Variants in WNT6 observed in about 807,000 individuals in gnomAD.
The protein encoded by WNT6 is Wnt family member 6, also known as protein Wnt-6.
WNT6 carries 27 observed loss-of-function variants against 33.1 expected under a neutral mutation model. The ratio of observed to expected loss-of-function variants is 0.82; its 90% CI spans 0.60 to 1.12. The LOEUF is 1.12. Among genes scored for constraint, WNT6 ranks in the 50% most tolerant of loss-of-function variants. The pLI is 0.00. For synonymous variants in WNT6, 249 were observed against 242.8 expected, an observed-to-expected ratio of 1.03 and a Z score of -0.24; for missense variants, 494 against 535.3, an observed-to-expected ratio of 0.92 and a Z score of 0.76.
intron 1 of WNT6, among the ~76,000 whole-genome samples, chr2:218,868,725 G>A (rs548148550): frequency 6.6e-6 from 1 of 152,258 alleles, no homozygotes; most frequent in African/African-American, 2.4e-5. Context: ...ATATTAGATG[G>A]TGTTCATTGT....
Position 218,859,916 on chromosome 2 carries a change from C to G in WNT6, c.-122C>G. 2 of 798,818 alleles carry G rather than the reference C, an allele frequency of 2.5e-6. No homozygotes were observed. Among genetic ancestry groups the G allele is most frequent in the Non-Finnish European group, 3.2e-6 (2 of 627,838 alleles). The allele number at this position is 798,818 out of a possible 1,614,324, so 49.5% of individuals were successfully genotyped here. A position where few individuals can be genotyped will look rare whatever the true frequency, so the allele number is the denominator to read the frequency against. ...GGGCCCCCCCGCCGCCGCCGGATCC[C>G]TCGCCTCCCGGCCGCCGCCGTTGCG... is the stretch of plus-strand genomic sequence containing the variant. On this transcript the variant is annotated 5_prime_UTR_variant, in exon 1 of 4. Coordinates refer to ENST00000233948, the MANE Select transcript of WNT6 (RefSeq NM_006522.4).
intron 1 of WNT6, among the ~76,000 whole-genome samples, chr2:218,862,502 T>C (rs1398408745): frequency 6.6e-6 from 1 of 151,922 alleles, no homozygotes; most frequent in Non-Finnish European, 1.5e-5. Context: ...CCCACCACCA[T>C]GCCTGGCTAG....
At position 218,873,638 on chromosome 2, in the gene WNT6, C is replaced by G; in HGVS notation, c.891C>G (p.Asn297Lys). ...ATTCGCCCGACTTCTGCGCCCCCAA[C>G]CGACGCACCGGCTCCCCCGGCACGC... Reference protein sequence around the residue: ...AADSPDFCAPNRRTGSPGTRG... With the variant: ...AADSPDFCAPKRRTGSPGTRG... Residue 297 changes from asparagine to lysine, a missense_variant, in exon 4 of 4, where the codon AAC becomes AAG. Transcript: ENST00000233948. The surrounding 1 kb of genome is among the most constrained non-coding windows in gnomAD (Gnocchi z 6.1). 6.3e-7 allele frequency: 1 copy of G among 1,581,024 alleles called. No homozygotes were observed.
Position 218,859,873 on chromosome 2 carries a change from G to T in WNT6, c.-165G>T, listed in dbSNP as rs1482285728. 4 of 281,168 alleles carry T rather than the reference G, an allele frequency of 1.4e-5. No individual in the cohort carries two copies. The highest frequency in any genetic ancestry group is 2.3e-5 in the Non-Finnish European group (4 of 174,552). 17.4% of individuals were successfully genotyped at this position (281,168 alleles called of 1,614,324 possible). A position where few individuals can be genotyped will look rare whatever the true frequency, so the allele number is the denominator to read the frequency against. On this transcript the variant is annotated 5_prime_UTR_variant, in exon 1 of 4. Coordinates refer to ENST00000233948, the MANE Select transcript of WNT6 (RefSeq NM_006522.4). The stretch of plus-strand genomic sequence containing the variant: ...CCCGTCCGCTCTCCGCCTCCGCCGC[G>T]CCCTCCTCGCCCGGGATGGGCCCCC...
chr2:218,873,327 G>T lies in WNT6; in HGVS notation c.637-57G>T. Reference sequence around the variant, plus strand: ...AATCTTATTTTCTGTCCATCCGCTGGGCCCTTCCCTGCACCCCCTACCTGT... The same window carrying T: ...AATCTTATTTTCTGTCCATCCGCTGTGCCCTTCCCTGCACCCCCTACCTGT... On this transcript the variant is annotated intron_variant, in intron 3 of 3. Transcript: ENST00000233948. The surrounding 1 kb of genome is among the most constrained non-coding windows in gnomAD (Gnocchi z 6.1). 6.8e-7 allele frequency: 1 copy of T among 1,463,246 alleles called. No individual in the cohort carries two copies. The highest frequency in any genetic ancestry group is 9.1e-7 in the Non-Finnish European group (1 of 1,094,808). 90.6% of individuals were successfully genotyped at this position (1,463,246 alleles called of 1,614,324 possible).
In WNT6 at chr2:218,873,608, C is replaced by A. The variant is rs1944425213; in HGVS notation, c.861C>A (p.Ala287=). 4 of 1,564,386 alleles carry A rather than the reference C, an allele frequency of 2.6e-6. No individual in the cohort carries two copies. Among genetic ancestry groups the A allele is most frequent in the African/African-American group, 2.7e-5 (2 of 72,950 alleles). The stretch of plus-strand genomic sequence containing the variant: ...CGGGCCGAGCGGACCTCCTCTACGC[C>A]GCCGATTCGCCCGACTTCTGCGCCC... ...KPPGRADLLY[A]ADSPDFCAPN... The change falls in exon 4 of 4, where the codon GCC becomes GCA. Residue 287 remains alanine (A), a synonymous_variant. Coordinates refer to ENST00000233948, the MANE Select transcript of WNT6 (RefSeq NM_006522.4). This position sits in a 1 kb window ranked among gnomAD's most constrained non-coding sequence, Gnocchi z 6.1.
At chr2:218,861,405 C>A (rs1944309092) in intron 1 of WNT6, among the ~76,000 whole-genome samples, 2 of 152,080 alleles carry the variant, frequency 1.3e-5, no homozygotes, top group Admixed American at 1.3e-4. Flanking sequence ...CTAGTCACTT[C>A]CTTTCCCTAC....
At chr2:218,869,252 G>A (rs1435484771) in intron 1 of WNT6, among the ~76,000 whole-genome samples, 1 of 152,124 alleles carries the variant, frequency 6.6e-6, no homozygotes, top group Non-Finnish European at 1.5e-5. Flanking sequence ...GAATGCACGT[G>A]CACACACACG....
rs1438514269 is a variant in WNT6 at position 218,871,477 on chromosome 2, A to G, written c.302-8A>G. On this transcript the variant is annotated splice_polypyrimidine_tract_variant and splice_region_variant and intron_variant, in intron 2 of 3. Transcript: ENST00000233948. The surrounding 1 kb of genome is among the most constrained non-coding windows in gnomAD (Gnocchi z 6.4). Reference sequence around the variant, plus strand: ...GCCCGCGCTGATTGCACCTGTCTGCATTCACAGACATTCGGGAGACGGCCT... The same window carrying G: ...GCCCGCGCTGATTGCACCTGTCTGCGTTCACAGACATTCGGGAGACGGCCT... 8.8e-6 allele frequency: 14 copies of G among 1,596,620 alleles called. No individual in the cohort carries two copies. Among genetic ancestry groups the G allele is most frequent in the South Asian group, 4.4e-5 (4 of 90,904 alleles).
At chr2:218,868,553 C>T (rs1944372182) in intron 1 of WNT6, among the ~76,000 whole-genome samples, 1 of 152,126 alleles carries the variant, frequency 6.6e-6, no homozygotes, top group Non-Finnish European at 1.5e-5. Flanking sequence ...ACATAAGGGG[C>T]TGGACGACTG....
In WNT6 at chr2:218,871,534, C is replaced by T; in HGVS notation, c.351C>T (p.Ser117=). 6.3e-7 allele frequency: 1 copy of T among 1,598,342 alleles called. No homozygotes were observed. Among genetic ancestry groups the T allele is most frequent in the Non-Finnish European group, 8.5e-7 (1 of 1,179,360 alleles). The change falls in exon 3 of 4, where the codon AGC becomes AGT. Residue 117 remains serine (S), a synonymous_variant. Coordinates refer to ENST00000233948, the MANE Select transcript of WNT6 (RefSeq NM_006522.4). The surrounding 1 kb of genome is among the most constrained non-coding windows in gnomAD (Gnocchi z 6.4). ...FVFAITAAGA[S]HAVTQACSMG... ...TCGCCATCACTGCGGCCGGCGCCAG[C>T]CACGCCGTCACGCAGGCCTGTTCTA...
At chr2:218,868,682 T>G (rs989933294) in intron 1 of WNT6, among the ~76,000 whole-genome samples, 1 of 152,220 alleles carries the variant, frequency 6.6e-6, no homozygotes, top group Non-Finnish European at 1.5e-5. Context: ...GAGAACTTTC[T>G]CTTAGATGGC....
Position 218,863,242 on chromosome 2 carries a change from C to T in WNT6, c.80+3125C>T, listed in dbSNP as rs533798166. ...CAGTAAGGGCTTCCAGGCTGTTCCCCGATGCCCAGGACCTGCTTTCCCTGG... is the reference window on the plus strand; with the variant it reads ...CAGTAAGGGCTTCCAGGCTGTTCCCTGATGCCCAGGACCTGCTTTCCCTGG... On this transcript the variant is annotated intron_variant, in intron 1 of 3. Coordinates refer to ENST00000233948, the MANE Select transcript of WNT6 (RefSeq NM_006522.4). Among the ~76,000 whole-genome samples the T allele has an allele frequency of 8.5e-5, 13 of 152,328 alleles. No homozygotes were observed. The East Asian group carries it at 2.1e-3, about 25-fold the overall frequency.
chr2:218,861,321 C>T (rs1944308616), intron 1 of WNT6, among the ~76,000 whole-genome samples: 1 of 152,212 alleles, frequency 6.6e-6, no homozygotes, highest in Non-Finnish European at 1.5e-5. Flanking sequence ...CCCTTTGATC[C>T]GGCTTAGTAT....
Position 218,871,945 on chromosome 2 carries a change from T to A in WNT6, c.636+126T>A. ...AGGGGGGCGTTAATGTGTGGGGGAG[T>A]GCGCACGGGCGGAAAGATGGGCTGC... On this transcript the variant is annotated intron_variant, in intron 3 of 3. Coordinates refer to ENST00000233948, the MANE Select transcript of WNT6 (RefSeq NM_006522.4). This position sits in a 1 kb window ranked among gnomAD's most constrained non-coding sequence, Gnocchi z 6.4. The A allele has an allele frequency of 1.7e-6, 1 of 573,554 alleles. No individual in the cohort carries two copies. The highest frequency in any genetic ancestry group is 2.7e-6 in the Non-Finnish European group (1 of 371,176). The allele number at this position is 573,554 out of a possible 1,614,324, so 35.5% of individuals were successfully genotyped here. A position where few individuals can be genotyped will look rare whatever the true frequency, so the allele number is the denominator to read the frequency against.
chr2:218,866,679 CTCA>C (rs948452822), intron 1 of WNT6, among the ~76,000 whole-genome samples: 5 of 152,074 alleles, frequency 3.3e-5, no homozygotes, highest in African/African-American at 1.2e-4. Flanking sequence ...GAGGTTAAGT[CTCA>C]TCATCCATCT....
Position 218,871,951 on chromosome 2 carries a change from C to A in WNT6, c.636+132C>A, listed in dbSNP as rs539590962. On this transcript the variant is annotated intron_variant, in intron 3 of 3. Transcript: ENST00000233948. The surrounding 1 kb of genome is among the most constrained non-coding windows in gnomAD (Gnocchi z 6.4). ...GCGTTAATGTGTGGGGGAGTGCGCA[C>A]GGGCGGAAAGATGGGCTGCAAGCAT... The A allele has an allele frequency of 2.6e-5, 21 of 801,432 alleles. No homozygotes were observed. In the African/African-American group the frequency reaches 3.5e-4, roughly 13 times the overall value. 49.6% of individuals were successfully genotyped at this position (801,432 alleles called of 1,614,324 possible). A position where few individuals can be genotyped will look rare whatever the true frequency, so the allele number is the denominator to read the frequency against.
At chr2:218,860,347 G>A (rs903994449) in intron 1 of WNT6, among the ~76,000 whole-genome samples, 2 of 152,076 alleles carry the variant, frequency 1.3e-5, no homozygotes, top group African/African-American at 4.8e-5. Context: ...CAAGTTATGC[G>A]CTCACCCAGC....
Position 218,871,218 on chromosome 2 carries a change from G to A in WNT6, c.272G>A (p.Ser91Asn). 1.9e-6 allele frequency: 3 copies of A among 1,613,352 alleles called. No individual in the cohort carries two copies. The highest frequency in any genetic ancestry group is 1.7e-5 in the Admixed American group (1 of 59,968). Residue 91 changes from serine to asparagine, a missense_variant, in exon 2 of 4, where the codon AGC becomes AAC. Transcript: ENST00000233948. The surrounding 1 kb of genome is among the most constrained non-coding windows in gnomAD (Gnocchi z 6.4). ...CGCCGCTGGAATTGCTCCAGCCACA[G>A]CAAGGCCTTTGGACGCATCCTGCAA... ...RFRRWNCSSH[S>N]KAFGRILQQD...
Sources: allele counts gnomAD v4.1 joint callset (sites outside exome capture counted in the v4.1 genomes callset), GRCh38; gene constraint gnomAD v4.1.1; non-coding constraint Gnocchi (gnomAD v3.1); transcripts MANE v1.5; gene names NCBI Gene and HGNC (gene_info 2026-07-23, HGNC 2026-07-21).